The following CCNYL1 variants were observed in gnomAD, a reference collection of about 807,000 sequenced individuals.
CCNYL1 encodes the protein cyclin-Y-like protein 1.
Under a neutral mutation model 44.2 loss-of-function variants are expected in CCNYL1, and 16 were observed. That is an observed-to-expected ratio of 0.36 (90% CI 0.25 to 0.55). CCNYL1 has a LOEUF of 0.55. CCNYL1 is among the 20% of genes least tolerant of loss of function. CCNYL1 has a pLI of 0.85. For missense variants in CCNYL1, 348 were observed against 451.8 expected, an observed-to-expected ratio of 0.77 and a Z score of 2.08; for synonymous variants, 159 against 163.2, an observed-to-expected ratio of 0.97 and a Z score of 0.20.
At chr2:207,725,914 G>A (rs982226731) in intron 2 of CCNYL1, among the ~76,000 whole-genome samples, 3 of 152,194 alleles carry the variant, frequency 2.0e-5, no homozygotes, top group Non-Finnish European at 2.9e-5. Context: ...CAAGAAGTGG[G>A]GGTTCTATAA....
At chr2:207,715,793 C>A (rs1282039392) in intron 1 of CCNYL1, among the ~76,000 whole-genome samples, 2 of 151,426 alleles carry the variant, frequency 1.3e-5, no homozygotes, top group African/African-American at 4.9e-5. Flanking sequence ...TCTCCTGCTT[C>A]AGCCTCCTGA....
In CCNYL1 at chr2:207,747,172, G is replaced by C. The variant is rs1171314387; in HGVS notation, c.765G>C (p.Val255=). 6.2e-7 allele frequency: 1 copy of C among 1,613,972 alleles called. No individual in the cohort carries two copies. ...GGGACGATCAGGCTGTATGGAATGT[G>C]GACTACTGCCAGATCCTCAAGGACA... is the stretch of plus-strand genomic sequence containing the variant. ...KVWDDQAVWN[V]DYCQILKDIT... Residue 255 remains valine (V), a synonymous_variant, in exon 8 of 10, where the codon GTG becomes GTC. Transcript: ENST00000295414.
chr2:207,742,098 C>G, intron 6 of CCNYL1, 125 bp from the exon 7 acceptor site: 1 of 898,894 alleles, frequency 1.1e-6, no homozygotes, highest in Non-Finnish European at 1.6e-6. Context: ...TTGCAGTGAG[C>G]CAAGATCATG....
Position 207,712,005 on chromosome 2 carries a change from TC to T in CCNYL1, c.111del (p.Asp39ThrfsTer5). ...CGCGTCCGACATCTACGAGGCGGTG[TC>T]CGGGGACGCGGTGGCGGTAGCGCCC... ...YCASDIYEAV[S>X]GDAVAVAPAV... On this transcript the variant is annotated frameshift_variant, in exon 1 of 10. Coordinates refer to ENST00000295414, the MANE Select transcript of CCNYL1 (RefSeq NM_001330218.2). LOFTEE classifies it high-confidence loss of function. The T allele has an allele frequency of 6.8e-7, 1 of 1,476,676 alleles. No homozygotes were observed. The highest frequency in any genetic ancestry group is 1.4e-5 in the South Asian group (1 of 73,866). 91.5% of individuals were successfully genotyped at this position (1,476,676 alleles called of 1,614,324 possible). A position where few individuals can be genotyped will look rare whatever the true frequency, so the allele number is the denominator to read the frequency against.
Position 207,751,841 on chromosome 2 carries a change from C to T in CCNYL1, c.969+722C>T, listed in dbSNP as rs188718022. Among the ~76,000 whole-genome samples, 102 of 139,186 alleles carry T rather than the reference C, an allele frequency of 7.3e-4. 1 individual carries two copies. The highest frequency in any genetic ancestry group is 3.6e-3 in the East Asian group (17 of 4,776). The allele number at this position is 139,186 out of a possible 152,430, so 91.3% of individuals were successfully genotyped here. ...TGCACTCCAGCCTGGGCAACAAGAG[C>T]GAAACTCCATCTCAAAAAAAAAAAA... On this transcript the variant is annotated intron_variant, in intron 9 of 9. Transcript: ENST00000295414.
intron 1 of CCNYL1, among the ~76,000 whole-genome samples, chr2:207,721,896 GC>G (rs1450108914): frequency 1.3e-5 from 2 of 151,908 alleles, no homozygotes; most frequent in Non-Finnish European, 2.9e-5. Flanking sequence ...CTAGAGTACA[GC>G]CCTGCCTTTC....
chr2:207,712,216 G>C, intron 1 of CCNYL1, 100 bp downstream of exon 1: 1 of 965,934 alleles, frequency 1.0e-6, no homozygotes, highest in Non-Finnish European at 1.5e-6. Context: ...GCTCCTTCCT[G>C]CCGGTAGCCG....
intron 1 of CCNYL1, among the ~76,000 whole-genome samples, chr2:207,718,976 A>G (rs1409699573): frequency 8.0e-6 from 1 of 125,216 alleles, no homozygotes; most frequent in South Asian, 2.3e-4. Flanking sequence ...TGGAGCTGTT[A>G]AAAAAAAAAA....
intron 5 of CCNYL1, 72 bp from the exon 6 acceptor site, chr2:207,740,583 C>A (rs2091801234): frequency 6.8e-6 from 7 of 1,033,672 alleles, no homozygotes; most frequent in South Asian, 6.5e-5. Context: ...TCCCGCCACC[C>A]CCAGCAGACA....
chr2:207,750,137 G>A (rs1360945132), intron 8 of CCNYL1, among the ~76,000 whole-genome samples: 1 of 152,080 alleles, frequency 6.6e-6, no homozygotes, highest in East Asian at 1.9e-4. Flanking sequence ...GCACCTCAGG[G>A]TTTCATTCCC....
intron 1 of CCNYL1, among the ~76,000 whole-genome samples, chr2:207,718,945 T>C (rs2091618567): frequency 6.6e-6 from 1 of 150,894 alleles, no homozygotes; most frequent in Admixed American, 6.6e-5. Flanking sequence ...TAAACTGTTA[T>C]ATCCACACAG....
intron 1 of CCNYL1, among the ~76,000 whole-genome samples, chr2:207,713,935 G>C (rs577351401): frequency 3.9e-5 from 6 of 152,198 alleles, no homozygotes; most frequent in Non-Finnish European, 8.8e-5. Flanking sequence ...GTTAGTAGAT[G>C]GGTGGGTGGT....
chr2:207,747,027 A>G lies in CCNYL1; in HGVS notation c.640-20A>G. On this transcript the variant is annotated intron_variant, in intron 7 of 9. Transcript: ENST00000295414. ...CATTTAAACTGAACTAAAATCAAAG[A>G]CCAGTGCTCTATTTTACAGGTTTAC... 1 of 1,599,416 alleles carries G rather than the reference A, an allele frequency of 6.3e-7. No individual in the cohort carries two copies. The highest frequency in any genetic ancestry group is 8.5e-7 in the Non-Finnish European group (1 of 1,169,884).
Position 207,755,104 on chromosome 2 carries a change from C to T in CCNYL1, c.*1406C>T, listed in dbSNP as rs1426636735. 1 of 151,912 alleles carries T rather than the reference C, an allele frequency of 6.6e-6. No individual in the cohort carries two copies. 9.4% of individuals were successfully genotyped at this position (151,912 alleles called of 1,614,324 possible). ...TTAAATGCAAAAGAAATGGGCTGGG[C>T]ATAGTGATTCATGCCTGTAATCTCA... On this transcript the variant is annotated 3_prime_UTR_variant, in exon 10 of 10. Transcript: ENST00000295414.
At chr2:207,726,938 T>C (rs1160650842) in intron 3 of CCNYL1, 62 bp downstream of exon 3, 3 of 1,232,360 alleles carry the variant, frequency 2.4e-6, no homozygotes, top group Non-Finnish European at 3.3e-6. Flanking sequence ...TCTGTCATGA[T>C]TCCATAAAAA....
chr2:207,716,342 T>C (rs1474645277), intron 1 of CCNYL1, among the ~76,000 whole-genome samples: 10 of 146,932 alleles, frequency 6.8e-5, no homozygotes, highest in South Asian at 6.3e-4. Context: ...GCCCTCTCTT[T>C]TTTTTTTTTT....
rs145016116 is a variant in CCNYL1, at chr2:207,747,337, C to G, written c.806+124C>G. The G allele has an allele frequency of 1.5e-5, 10 of 686,658 alleles. No homozygotes were observed. The African/African-American group carries it at 1.8e-4, about 12-fold the overall frequency. The allele number at this position is 686,658 out of a possible 1,614,324, so 42.5% of individuals were successfully genotyped here. ...GCAGATAATGGAAATAGGCATAAGA[C>G]TATATCTGTCTATCTTTAGTATAAC... On this transcript the variant is annotated intron_variant, in intron 8 of 9. Transcript: ENST00000295414.
At chr2:207,735,803 G>C (rs182767952) in intron 4 of CCNYL1, among the ~76,000 whole-genome samples, 2 of 152,076 alleles carry the variant, frequency 1.3e-5, no homozygotes, top group African/African-American at 4.8e-5. Flanking sequence ...AGCGGAGGTT[G>C]CAGTGAGCCG....
chr2:207,737,339 T>G, intron 4 of CCNYL1, 72 bp from the exon 5 acceptor site: 1 of 1,197,882 alleles, frequency 8.3e-7, no homozygotes, highest in Non-Finnish European at 1.2e-6. Context: ...CCTTCCCTCA[T>G]TTAAAAAATG....
Sources: allele counts gnomAD v4.1 joint callset (sites outside exome capture counted in the v4.1 genomes callset), GRCh38; gene constraint gnomAD v4.1.1; transcripts MANE v1.5; gene names NCBI Gene and HGNC (gene_info 2026-07-23, HGNC 2026-07-21).